The following ZNF257 variants were observed in gnomAD, a reference collection of about 807,000 sequenced individuals.
The protein encoded by ZNF257 is zinc finger protein 257, also known as bone marrow zinc finger 4.
In ZNF257, 12 loss-of-function variants were observed where a neutral mutation model predicts 11.9. That is an observed-to-expected ratio of 1.01 (90% confidence interval 0.65 to 1.63). ZNF257 has a LOEUF of 1.63. ZNF257 is among the 40% of genes most tolerant of loss of function. ZNF257 has a pLI of 0.00. For missense variants in ZNF257, 580 were observed against 665.5 expected, an observed-to-expected ratio of 0.87 and a Z score of 1.41; for synonymous variants, 183 against 222.7, an observed-to-expected ratio of 0.82 and a Z score of 1.59.
intron 1 of ZNF257, among the ~76,000 whole-genome samples, chr19:22,053,744 G>A (rs1244303591): frequency 6.6e-6 from 1 of 152,050 alleles, no homozygotes; most frequent in Admixed American, 6.6e-5. Context: ...TTACCAACAT[G>A]GAGAAACTCC....
intron 1 of ZNF257, among the ~76,000 whole-genome samples, chr19:22,061,616 G>T (rs1448862445): frequency 1.1e-4 from 16 of 143,288 alleles, no homozygotes; most frequent in Admixed American, 1.1e-3. Flanking sequence ...TTCCCATTTG[G>T]ATGCCTTTTT....
chr19:22,067,278 A>G (rs1184934451), intron 1 of ZNF257, among the ~76,000 whole-genome samples: 1 of 152,106 alleles, frequency 6.6e-6, no homozygotes, highest in African/African-American at 2.4e-5. Flanking sequence ...AAACTGATTC[A>G]CAGAACATGG....
At chr19:22,054,503 A>G (rs943530021) in intron 1 of ZNF257, among the ~76,000 whole-genome samples, 1 of 152,336 alleles carries the variant, frequency 6.6e-6, no homozygotes. Flanking sequence ...GTTTCTTCTG[A>G]CATTCCCAAA....
chr19:22,078,712 TTTTA>T (rs2022288521), intron 3 of ZNF257, among the ~76,000 whole-genome samples: 1 of 152,092 alleles, frequency 6.6e-6, no homozygotes, highest in Non-Finnish European at 1.5e-5. Flanking sequence ...TGTCTGGGTA[TTTTA>T]TTTAAAATAT....
chr19:22,052,808 T>C (rs1313326373), intron 1 of ZNF257, among the ~76,000 whole-genome samples, 173 bp downstream of exon 1: 1 of 152,076 alleles, frequency 6.6e-6, no homozygotes, highest in Non-Finnish European at 1.5e-5. Flanking sequence ...GCGGCTGCGC[T>C]GACAGCCGGG....
intron 3 of ZNF257, among the ~76,000 whole-genome samples, chr19:22,074,998 G>A (rs2145705591): frequency 6.6e-6 from 1 of 152,302 alleles, no homozygotes; most frequent in East Asian, 1.9e-4. Flanking sequence ...ATTTGAAGGA[G>A]CAAACACCTC....
chr19:22,054,075 CT>C (rs747135550), intron 1 of ZNF257, among the ~76,000 whole-genome samples: 239 of 88,048 alleles, frequency 2.7e-3, no homozygotes, highest in Admixed American at 2.4e-3. Context: ...ATTTGTTTTT[CT>C]TTTTTTTTTT....
At chr19:22,075,920 G>A (rs2022214050) in intron 3 of ZNF257, 1 of 152,108 alleles carries the variant, frequency 6.6e-6, no homozygotes, top group Non-Finnish European at 1.5e-5. Flanking sequence ...TTTTCTTGCT[G>A]TGGAGGAATA....
chr19:22,088,279 G>T lies in ZNF257; in HGVS notation c.529G>T (p.Glu177Ter), dbSNP rs2022525743. 6.2e-7 allele frequency: 1 copy of T among 1,613,426 alleles called. No homozygotes were observed. Among genetic ancestry groups the T allele is most frequent in the Admixed American group, 1.7e-5 (1 of 59,906 alleles). ...TGAAAAGAAAACTTGCAAATGTAAA[G>T]AATGTGGCAAATCATTTTGCATGCT... ...HTEKKTCKCK[E>*]CGKSFCMLSQ... The change falls in exon 4 of 4, where the codon GAA becomes TAA. Residue 177 changes from glutamate to a stop codon, truncating the protein, a stop_gained. Transcript: ENST00000594947. LOFTEE classifies it low-confidence loss of function (END_TRUNC).
intron 1 of ZNF257, among the ~76,000 whole-genome samples, chr19:22,059,646 T>C (rs2021739942): frequency 1.0e-5 from 1 of 96,276 alleles, no homozygotes. Flanking sequence ...TTCTTTTCTT[T>C]TTTTTTTTTT....
intron 1 of ZNF257, among the ~76,000 whole-genome samples, chr19:22,056,978 CT>C (rs1418680198): frequency 6.6e-6 from 1 of 152,020 alleles, no homozygotes; most frequent in Non-Finnish European, 1.5e-5. Context: ...GCATCAGTTT[CT>C]TTTTTTGCAG....
chr19:22,062,223 CTTTTTTTTTT>C (rs34283330), intron 1 of ZNF257, among the ~76,000 whole-genome samples: 17 of 101,800 alleles, frequency 1.7e-4, no homozygotes, highest in Non-Finnish European at 5.6e-5. Flanking sequence ...ACTGCGCCTG[CTTTTTTTTTT>C]TTTTTTTTTT....
In ZNF257 at chr19:22,089,178, A is replaced by AC. The variant is rs1169609344; in HGVS notation, c.1429dup (p.His477ProfsTer2). The AC allele has an allele frequency of 1.9e-6, 3 of 1,613,618 alleles. No homozygotes were observed. In the African/African-American group the frequency reaches 4.0e-5, roughly 22 times the overall value. On this transcript the variant is annotated frameshift_variant, in exon 4 of 4. Transcript: ENST00000594947. LOFTEE classifies it low-confidence loss of function (END_TRUNC). The stretch of plus-strand genomic sequence containing the variant: ...TTAACCAGTCTTCACACCTTACTCA[A>AC]CATAAAATAATTCATACTGGGGAGA...
At chr19:22,064,101 G>A (rs1008161873) in intron 1 of ZNF257, 1 of 151,824 alleles carries the variant, frequency 6.6e-6, no homozygotes. Flanking sequence ...TGCACAAAGT[G>A]TGCCCAAGGT....
intron 2 of ZNF257, 117 bp from the exon 3 acceptor site, chr19:22,073,352 A>T: frequency 1.7e-6 from 2 of 1,173,448 alleles, no homozygotes; most frequent in East Asian, 2.9e-5. Context: ...GTTATAAATT[A>T]GTATTTTGGC....
chr19:22,055,843 A>T (rs1422055533), intron 1 of ZNF257, among the ~76,000 whole-genome samples: 1 of 151,876 alleles, frequency 6.6e-6, no homozygotes, highest in Non-Finnish European at 1.5e-5. Context: ...AGGCGGGAGG[A>T]TCATTAGGTC....
chr19:22,079,532 TG>T (rs2022312073), intron 3 of ZNF257, among the ~76,000 whole-genome samples: 1 of 152,232 alleles, frequency 6.6e-6, no homozygotes, highest in Admixed American at 6.5e-5. Flanking sequence ...ATGTCTTACA[TG>T]GTGGAAGACA....
At chr19:22,066,396 C>A (rs910341752) in intron 1 of ZNF257, 3 of 155,476 alleles carry the variant, frequency 1.9e-5, no homozygotes, top group African/African-American at 7.2e-5. Context: ...GCTTCACTCT[C>A]TGATGTGGCA....
chr19:22,073,690 T>G (rs2022162776), intron 3 of ZNF257, 126 bp downstream of exon 3: 1 of 1,282,074 alleles, frequency 7.8e-7, no homozygotes, highest in Non-Finnish European at 1.1e-6. Context: ...TCTGGAAGCC[T>G]GAGTTTGCAT....
Sources: allele counts gnomAD v4.1 joint callset (sites outside exome capture counted in the v4.1 genomes callset), GRCh38; gene constraint gnomAD v4.1.1; transcripts MANE v1.5; gene names NCBI Gene and HGNC (gene_info 2026-07-23, HGNC 2026-07-21).